URGCP: variants seen among roughly 807,000 people sequenced by gnomAD.
The protein encoded by URGCP is up-regulator of cell proliferation.
URGCP carries 13 observed loss-of-function variants against 24.6 expected under a neutral mutation model. The observed-to-expected ratio is 0.53, with a 90% CI of 0.34 to 0.84. The LOEUF (loss-of-function observed/expected upper bound fraction) is 0.84, where lower values mean the gene tolerates loss of function less well. URGCP is among the 40% of genes least tolerant of loss of function. The pLI is 0.01. For missense variants in URGCP, 899 were observed against 1,194.3 expected (o/e 0.75, Z 3.64); for synonymous variants, 444 against 487.2 (o/e 0.91, Z 1.17).
intron 1 of URGCP, among the ~76,000 whole-genome samples, chr7:43,925,561 G>C (rs967598799): frequency 6.6e-6 from 1 of 152,066 alleles, no homozygotes; most frequent in African/African-American, 2.4e-5. Context: ...GTGCAACAGT[G>C]TGATCTCAGC....
At chr7:43,893,696 C>T (rs564732738) in intron 1 of URGCP, among the ~76,000 whole-genome samples, 2 of 152,284 alleles carry the variant, frequency 1.3e-5, no homozygotes, top group South Asian at 2.1e-4. Flanking sequence ...CATGGTGAAA[C>T]CCCATCTCTA....
chr7:43,897,283 C>T (rs1585816289), intron 1 of URGCP, among the ~76,000 whole-genome samples: 1 of 152,230 alleles, frequency 6.6e-6, no homozygotes, highest in Non-Finnish European at 1.5e-5. Context: ...AAACAAGGCA[C>T]AGGCCAAGGT....
intron 1 of URGCP, among the ~76,000 whole-genome samples, chr7:43,917,295 A>AAGCTT (rs1043270573): frequency 6.6e-6 from 1 of 152,202 alleles, no homozygotes; most frequent in Non-Finnish European, 1.5e-5. Flanking sequence ...GGTTGGTCTT[A>AAGCTT]AGCTGTAGCC....
intron 3 of URGCP, among the ~76,000 whole-genome samples, chr7:43,883,358 A>ATTTT (rs1490751876): frequency 1.1e-4 from 11 of 95,808 alleles, no homozygotes; most frequent in South Asian, 3.0e-4. Context: ...ATATATATAT[A>ATTTT]TATATTTTTT....
chr7:43,919,497 C>T, intron 1 of URGCP: 1 of 1,188,648 alleles, frequency 8.4e-7, no homozygotes, highest in Non-Finnish European at 1.3e-6. Flanking sequence ...CCCATGGCTC[C>T]ACTTTCTCAT....
chr7:43,926,588 G>A (rs769401808), upstream of URGCP: 2 of 1,557,706 alleles, frequency 1.3e-6, no homozygotes, highest in South Asian at 2.4e-5. Flanking sequence ...AACTCTTTGG[G>A]TGTCCGAAGC....
intron 1 of URGCP, chr7:43,889,383 TG>T (rs2095866996): frequency 6.6e-6 from 1 of 152,204 alleles, no homozygotes. Context: ...CCAGCCAATC[TG>T]TCAACTCGGG....
chr7:43,893,802 C>T (rs554187370), intron 1 of URGCP, among the ~76,000 whole-genome samples: 39 of 152,146 alleles, frequency 2.6e-4, no homozygotes, highest in African/African-American at 5.8e-4. Flanking sequence ...ACCCGGGAGA[C>T]GGAGGTTGCA....
upstream of URGCP, among the ~76,000 whole-genome samples, chr7:43,909,226 ATACT>A (rs1458028434): frequency 6.6e-6 from 1 of 152,184 alleles, no homozygotes; most frequent in African/African-American, 2.4e-5. Context: ...TAATATACAT[ATACT>A]TAAATACATA....
At chr7:43,926,496 C>G, upstream of URGCP, 3 of 1,489,816 alleles carry the variant, frequency 2.0e-6, no homozygotes, top group South Asian at 2.6e-5. Context: ...TCAGGCAGCC[C>G]CGGCCGGGCC....
chr7:43,917,729 A>T (rs1296293402), intron 1 of URGCP, among the ~76,000 whole-genome samples: 1 of 152,176 alleles, frequency 6.6e-6, no homozygotes, highest in Admixed American at 6.6e-5. Context: ...TGGGTAATAA[A>T]GGATTTAAAA....
rs1436726571 is a variant in URGCP at position 43,922,424 on chromosome 7, C to T, written c.-116+3708G>A. On this transcript the variant is annotated intron_variant, in intron 1 of 5. Transcript: ENST00000426198. ...AAAAATGACTGCACCATTTTATAGT[C>T]GCACCAGAATGTGTGAGGGTTCCAA... Among the ~76,000 whole-genome samples, 7 of 152,310 alleles carry T rather than the reference C, an allele frequency of 4.6e-5. No homozygotes were observed. In the East Asian group the frequency reaches 9.6e-4, roughly 21 times the overall value.
intron 1 of URGCP, among the ~76,000 whole-genome samples, chr7:43,923,747 T>C (rs929560943): frequency 1.3e-5 from 2 of 152,264 alleles, no homozygotes; most frequent in Admixed American, 1.3e-4. Flanking sequence ...TGAGATATTA[T>C]TATTTCAAAC....
chr7:43,883,777 T>C (rs2095858274), intron 3 of URGCP, among the ~76,000 whole-genome samples: 1 of 152,290 alleles, frequency 6.6e-6, no homozygotes, highest in Non-Finnish European at 1.5e-5. Flanking sequence ...ACCGTCTTCT[T>C]TGATGATATC....
upstream of URGCP, chr7:43,906,742 A>G (rs970532324): frequency 1.6e-5 from 2 of 124,086 alleles, no homozygotes; most frequent in Non-Finnish European, 3.2e-5. Context: ...CTCTCGGAGC[A>G]GCCCGGGGAC....
At chr7:43,896,380 G>A (rs1351859043) in intron 1 of URGCP, among the ~76,000 whole-genome samples, 1 of 151,552 alleles carries the variant, frequency 6.6e-6, no homozygotes, top group Non-Finnish European at 1.5e-5. Context: ...TGCTTGACTC[G>A]GGAGGCGGAG....
At chr7:43,900,080 G>A (rs2095887109) in intron 1 of URGCP, among the ~76,000 whole-genome samples, 1 of 151,988 alleles carries the variant, frequency 6.6e-6, no homozygotes, top group South Asian at 2.1e-4. Context: ...AGCAGATTGA[G>A]GCTGCAGCGA....
chr7:43,916,188 T>C (rs1361285227), intron 1 of URGCP, among the ~76,000 whole-genome samples: 1 of 152,184 alleles, frequency 6.6e-6, no homozygotes, highest in Non-Finnish European at 1.5e-5. Flanking sequence ...CAAAAGTAGT[T>C]GCAGTTTTTG....
intron 1 of URGCP, among the ~76,000 whole-genome samples, chr7:43,904,397 C>T (rs1206600189): frequency 1.3e-5 from 2 of 152,176 alleles, no homozygotes; most frequent in Non-Finnish European, 2.9e-5. Flanking sequence ...TTAATAAAAA[C>T]ATCAATTTGG....
Sources: allele counts gnomAD v4.1 joint callset (sites outside exome capture counted in the v4.1 genomes callset), GRCh38; gene constraint gnomAD v4.1.1; transcripts MANE v1.5; gene names NCBI Gene and HGNC (gene_info 2026-07-23, HGNC 2026-07-21).